Variants in NUP210 observed in about 807,000 individuals in gnomAD.
The protein encoded by NUP210 is nucleoporin 210.
Under a neutral mutation model 196.0 loss-of-function variants are expected in NUP210, and 151 were observed. The ratio of observed to expected loss-of-function variants is 0.77; its 90% CI spans 0.67 to 0.88. The LOEUF (loss-of-function observed/expected upper bound fraction) is 0.88, where lower values mean the gene tolerates loss of function less well. NUP210 is among the 40% of genes least tolerant of loss of function. The probability of loss-of-function intolerance (pLI) is 0.00; values close to 1 mark genes in which losing one functional copy is unlikely to be tolerated. For synonymous variants in NUP210, 1,070 were observed against 1,052.7 expected, an observed-to-expected ratio of 1.02 and a Z score of -0.32; for missense variants, 2,314 against 2,493.7, an observed-to-expected ratio of 0.93 and a Z score of 1.53.
At chr3:13,334,825 G>A (rs1697142203) in intron 28 of NUP210, among the ~76,000 whole-genome samples, 1 of 152,188 alleles carries the variant, frequency 6.6e-6, no homozygotes, top group Non-Finnish European at 1.5e-5. Flanking sequence ...CCCCAGGCAG[G>A]AGAACCACTA....
intron 29 of NUP210, 105 bp from the exon 30 acceptor site, chr3:13,330,739 G>A (rs1175384723): frequency 1.7e-6 from 2 of 1,148,226 alleles, no homozygotes; most frequent in Middle Eastern, 3.0e-4. Flanking sequence ...ATGCTCCTGG[G>A]AGGAAAAAAG....
chr3:13,335,503 C>T lies in NUP210; in HGVS notation c.3794G>A (p.Gly1265Glu), dbSNP rs1200076697. Residue 1265 changes from glycine to glutamate, a missense_variant, in exon 28 of 40, where the codon GGG (glycine) becomes GAG (glutamate). Transcript: ENST00000254508. ...VVVKAVDPTS[G>E]QLYGLARELS... Reference sequence around the variant, plus strand: ...TTCTCTGGCCAGGCCATACAGCTGCCCCGATGTGGGGTCCACAGCCTTGAC... The same window carrying T: ...TTCTCTGGCCAGGCCATACAGCTGCTCCGATGTGGGGTCCACAGCCTTGAC... 6.2e-7 allele frequency: 1 copy of T among 1,614,102 alleles called. No individual in the cohort carries two copies. The highest frequency in any genetic ancestry group is 1.1e-5 in the South Asian group (1 of 91,086).
At chr3:13,378,779 G>A in intron 8 of NUP210, 133 bp downstream of exon 8, 2 of 708,600 alleles carry the variant, frequency 2.8e-6, no homozygotes, top group Non-Finnish European at 5.1e-6. Flanking sequence ...CCTGGGCAAT[G>A]ATGGTCATAG....
intron 17 of NUP210, 29 bp downstream of exon 17, chr3:13,353,886 C>T (rs1299346418): frequency 1.9e-6 from 3 of 1,586,382 alleles, no homozygotes; most frequent in Non-Finnish European, 2.6e-6. Flanking sequence ...GTTCTCCTGC[C>T]TGGGCCATCA....
rs1166727700 is a variant in NUP210, at chr3:13,319,887, G to A, written c.5259C>T (p.Asp1753=). The A allele has an allele frequency of 2.5e-6, 4 of 1,614,092 alleles. No homozygotes were observed. The African/African-American group carries it at 5.3e-5, about 22-fold the overall frequency. ...GAGGCCCTTGGCTGCCAGCCGCGGG[G>A]TCCAAGACGCCGACCGTGTATGTGA... ...SFITYTVGVL[D]PAAGSQGPLS... Residue 1753 remains aspartate (D), a synonymous_variant, in exon 37 of 40, where the codon GAC becomes GAT. Coordinates refer to ENST00000254508, the MANE Select transcript of NUP210 (RefSeq NM_024923.4).
rs1425916365 is a variant in NUP210 at position 13,341,843 on chromosome 3, G to A, written c.3133C>T (p.Leu1045Phe). ...EALDNYTITF[L>F]IRGVAIGQTS... Reference sequence around the variant, plus strand: ...TGGCCGATGGCCACACCGCGGATGAGGAATGTGATGGTGTAGTTGTCAAGG... The same window carrying A: ...TGGCCGATGGCCACACCGCGGATGAAGAATGTGATGGTGTAGTTGTCAAGG... The change falls in exon 23 of 40, where the codon CTC becomes TTC. Residue 1045 changes from leucine to phenylalanine, a missense_variant. Coordinates refer to ENST00000254508, the MANE Select transcript of NUP210 (RefSeq NM_024923.4). The A allele has an allele frequency of 6.2e-7, 1 of 1,614,206 alleles. No homozygotes were observed. Among genetic ancestry groups the A allele is most frequent in the East Asian group, 2.2e-5 (1 of 44,882 alleles).
rs113092093 is a variant in NUP210 at position 13,360,141 on chromosome 3, T to C, written c.2154+129A>G. The C allele has an allele frequency of 1.0e-3, 795 of 792,606 alleles. 5 individuals are homozygous for C. The highest frequency in any genetic ancestry group is 9.8e-3 in the African/African-American group (565 of 57,762). The allele number at this position is 792,606 out of a possible 1,614,324, so 49.1% of individuals were successfully genotyped here. A position where few individuals can be genotyped will look rare whatever the true frequency, so the allele number is the denominator to read the frequency against. ...CTCACCACGCCTCAGTTTGCCTGTCTGTAAAATGGGTACAATAGGAGTGGC... is the reference window on the plus strand; with the variant it reads ...CTCACCACGCCTCAGTTTGCCTGTCCGTAAAATGGGTACAATAGGAGTGGC... On this transcript the variant is annotated intron_variant, in intron 15 of 39. Transcript: ENST00000254508.
Position 13,323,422 on chromosome 3 carries a change from C to T in NUP210, c.4655G>A (p.Ser1552Asn), listed in dbSNP as rs1026153723. The T allele has an allele frequency of 1.2e-6, 2 of 1,613,962 alleles. No individual in the cohort carries two copies. Among genetic ancestry groups the T allele is most frequent in the African/African-American group, 2.7e-5 (2 of 74,918 alleles). ...ACGGGCCATGATCCTCTGAGGGACG[C>T]TGACCACCACCTAGAGAGGGAGCCA... ...HLRTYKEVVV[S>N]VPQRIMARHL... Residue 1552 changes from serine (S) to asparagine (N), a missense_variant, in exon 34 of 40, where the codon AGC (serine) becomes AAC (asparagine). Transcript: ENST00000254508. This position sits in a 1 kb window ranked among gnomAD's most constrained non-coding sequence, Gnocchi z 4.3.
intron 6 of NUP210, among the ~76,000 whole-genome samples, chr3:13,385,183 A>T (rs1699233542): frequency 6.6e-6 from 1 of 152,184 alleles, no homozygotes; most frequent in Non-Finnish European, 1.5e-5. Context: ...GTTGAGCAGG[A>T]CTTTAAACAA....
At chr3:13,419,081 GAC>G (rs1576437132) in intron 1 of NUP210, among the ~76,000 whole-genome samples, 1 of 151,826 alleles carries the variant, frequency 6.6e-6, no homozygotes, top group African/African-American at 2.4e-5. Flanking sequence ...AAACAGGCTT[GAC>G]ACACACATGT....
At chr3:13,391,505 C>G (rs946649265) in intron 3 of NUP210, among the ~76,000 whole-genome samples, 198 bp from the exon 4 acceptor site, 8 of 151,466 alleles carry the variant, frequency 5.3e-5, no homozygotes, top group African/African-American at 1.9e-4. Context: ...CATGTGACCA[C>G]CAGGGGGCGA....
intron 1 of NUP210, 114 bp downstream of exon 1, chr3:13,419,946 G>T: frequency 1.6e-6 from 1 of 610,888 alleles, no homozygotes; most frequent in South Asian, 7.2e-5. Context: ...AGCGCCCAGC[G>T]AGAGCGCGCC....
chr3:13,343,336 T>TGG, intron 20 of NUP210, 33 bp from the exon 21 acceptor site: 5 of 260,396 alleles, frequency 1.9e-5, no homozygotes, highest in South Asian at 2.9e-5. Context: ...GAGGGGTGGG[T>TGG]GGTGGGTTAC....
intron 16 of NUP210, among the ~76,000 whole-genome samples, chr3:13,357,360 A>T (rs981996267): frequency 2.6e-5 from 4 of 151,914 alleles, no homozygotes; most frequent in African/African-American, 9.7e-5. Flanking sequence ...TGCGTGCCCT[A>T]TTTCACTTCC....
rs565196649 is a variant in NUP210 at position 13,390,202 on chromosome 3, T to C, written c.533+1009A>G. 3.0e-4 allele frequency among the ~76,000 whole-genome samples: 46 copies of C among 152,190 alleles called. 1 individual carries two copies. In the South Asian group the frequency reaches 8.9e-3, roughly 30 times the overall value. The stretch of plus-strand genomic sequence containing the variant: ...AATGCCCCGATGGTCGTAAAGCACA[T>C]GAAAATCATCAGGGTGACGGGACAT... On this transcript the variant is annotated intron_variant, in intron 4 of 39. Coordinates refer to ENST00000254508, the MANE Select transcript of NUP210 (RefSeq NM_024923.4).
Position 13,351,936 on chromosome 3 carries a change from GT to G in NUP210, c.2777del (p.Asn926ThrfsTer32). On this transcript the variant is annotated frameshift_variant, in exon 20 of 40. Transcript: ENST00000254508. LOFTEE classifies it high-confidence loss of function. Reference protein sequence around the residue: ...IREGSGYFFLNTSTADVVKVA... With the variant: ...IREGSGYFFLXTSTADVVKVA... ...CCTTGACAACATCTGCGGTGCTGGT[GT>G]TGAGGAAGAAGTAACCTGAGCCTTC... 1 of 1,613,644 alleles carries G rather than the reference GT, an allele frequency of 6.2e-7. No individual in the cohort carries two copies. The highest frequency in any genetic ancestry group is 1.1e-5 in the South Asian group (1 of 91,004).
chr3:13,346,174 T>G (rs1697717034), intron 20 of NUP210, among the ~76,000 whole-genome samples: 1 of 152,238 alleles, frequency 6.6e-6, no homozygotes, highest in African/African-American at 2.4e-5. Flanking sequence ...AAGCGTGGCC[T>G]GCCCCTCAGG....
At chr3:13,364,040 T>C (rs1698452932) in intron 14 of NUP210, among the ~76,000 whole-genome samples, 1 of 152,218 alleles carries the variant, frequency 6.6e-6, no homozygotes, top group Non-Finnish European at 1.5e-5. Context: ...TCTCACCTGC[T>C]GCAGTGCTGT....
chr3:13,393,374 A>G (rs561506638), intron 3 of NUP210, among the ~76,000 whole-genome samples: 4 of 152,332 alleles, frequency 2.6e-5, no homozygotes, highest in Admixed American at 1.3e-4. Context: ...TGCTCCCCAC[A>G]GTCTCTCCTG....
Sources: gnomAD v4.1 joint callset for allele counts (sites outside exome capture counted in the v4.1 genomes callset) on GRCh38, gnomAD v4.1.1 for gene constraint, Gnocchi (gnomAD v3.1) non-coding constraint, MANE v1.5 for transcripts, NCBI Gene and HGNC (gene_info 2026-07-23, HGNC 2026-07-21) for gene names.